CCDC15: variants seen among roughly 807,000 people sequenced by gnomAD.
CCDC15 encodes coiled-coil domain-containing protein 15.
CCDC15 carries 105 observed loss-of-function variants against 114.5 expected under a neutral mutation model. The observed-to-expected ratio is 0.92, with a 90% CI of 0.78 to 1.08. CCDC15 has a LOEUF of 1.08. Among genes scored for constraint, CCDC15 ranks in the 50% least tolerant of loss-of-function variants. The pLI is 0.00. For missense variants in CCDC15, 1,105 were observed against 1,093.6 expected (o/e 1.01, Z -0.15); for synonymous variants, 334 against 377.8 (o/e 0.88, Z 1.34).
intron 13 of CCDC15, among the ~76,000 whole-genome samples, chr11:125,018,936 A>T (rs538920970): frequency 2.4e-4 from 37 of 152,090 alleles, no homozygotes; most frequent in African/African-American, 8.9e-4. Flanking sequence ...CAGGAATTCC[A>T]GGCAAAAGGA....
At chr11:125,031,982 GA>G (rs1749417657) in intron 13 of CCDC15, among the ~76,000 whole-genome samples, 1 of 152,158 alleles carries the variant, frequency 6.6e-6, no homozygotes, top group Non-Finnish European at 1.5e-5. Flanking sequence ...ACCTTAGAAG[GA>G]ATATCTCGAC....
intron 2 of CCDC15, among the ~76,000 whole-genome samples, chr11:124,957,117 T>A (rs190590433): frequency 8.5e-4 from 130 of 152,340 alleles, no homozygotes; most frequent in African/African-American, 3.0e-3. Context: ...CTTAGTGGTA[T>A]AAAGCAAATA....
At chr11:124,968,430 G>A (rs1266398577) in intron 4 of CCDC15, among the ~76,000 whole-genome samples, 2 of 152,216 alleles carry the variant, frequency 1.3e-5, no homozygotes, top group Non-Finnish European at 2.9e-5. Flanking sequence ...CTAGCAGTGA[G>A]CAAGGCTCTG....
At chr11:124,996,028 T>C (rs1247233701) in intron 11 of CCDC15, among the ~76,000 whole-genome samples, 2 of 151,706 alleles carry the variant, frequency 1.3e-5, no homozygotes, top group Non-Finnish European at 2.9e-5. Flanking sequence ...TGGGGTTTCG[T>C]CATGTTTGCC....
At chr11:124,995,315 A>G (rs993762841) in intron 11 of CCDC15, among the ~76,000 whole-genome samples, 3 of 152,064 alleles carry the variant, frequency 2.0e-5, no homozygotes, top group Admixed American at 6.5e-5. Context: ...CTATCCTTGC[A>G]TTCTGTTTGT....
intron 13 of CCDC15, among the ~76,000 whole-genome samples, chr11:125,026,592 G>A (rs1948703957): frequency 6.6e-6 from 1 of 152,158 alleles, no homozygotes; most frequent in Non-Finnish European, 1.5e-5. Flanking sequence ...TTCCTTTGGG[G>A]AGGATGATTG....
At chr11:125,012,811 T>C (rs777019689) in intron 13 of CCDC15, among the ~76,000 whole-genome samples, 1 of 152,190 alleles carries the variant, frequency 6.6e-6, no homozygotes, top group Non-Finnish European at 1.5e-5. Context: ...GAAAACTTAC[T>C]ACATGCCAGG....
Position 124,959,114 on chromosome 11 carries a change from G to T in CCDC15, c.178-1G>T, listed in dbSNP as rs748945549. On this transcript the variant is annotated splice_acceptor_variant, in intron 2 of 15. Coordinates refer to ENST00000344762, the MANE Select transcript of CCDC15 (RefSeq NM_025004.3). LOFTEE classifies it high-confidence loss of function. ...TCATTTTCTGTCTTTCATCTTTAAA[G>T]ACATCAGCATATTTAATTGAAGAAG... 1.9e-6 allele frequency: 3 copies of T among 1,548,388 alleles called. No individual in the cohort carries two copies. The highest frequency in any genetic ancestry group is 2.2e-5 in the Admixed American group (1 of 45,854).
At chr11:125,035,416 T>C (rs1591616042) in intron 13 of CCDC15, among the ~76,000 whole-genome samples, 1 of 151,980 alleles carries the variant, frequency 6.6e-6, no homozygotes, top group East Asian at 1.9e-4. Flanking sequence ...TTTTGGTTTC[T>C]ATTTGCATGG....
chr11:124,974,475 C>T (rs149513990), intron 4 of CCDC15, among the ~76,000 whole-genome samples: 187 of 152,248 alleles, frequency 1.2e-3, no homozygotes, highest in African/African-American at 4.3e-3. Context: ...TTAGGTGTTA[C>T]TTAAAGTAGT....
At chr11:125,014,382 A>C (rs1425478260) in intron 13 of CCDC15, among the ~76,000 whole-genome samples, 2 of 152,150 alleles carry the variant, frequency 1.3e-5, no homozygotes, top group Non-Finnish European at 2.9e-5. Context: ...TTCTAAGTAC[A>C]TACTTAGAAG....
intron 13 of CCDC15, among the ~76,000 whole-genome samples, chr11:125,019,703 T>C (rs1948649771): frequency 6.6e-6 from 1 of 152,008 alleles, no homozygotes; most frequent in South Asian, 2.1e-4. Context: ...CATGTTGTAC[T>C]ATAAAACAGA....
chr11:124,965,605 T>C (rs1235993697), intron 4 of CCDC15, among the ~76,000 whole-genome samples: 1 of 152,228 alleles, frequency 6.6e-6, no homozygotes. Context: ...CCTGGATTCA[T>C]TGATTCTTTG....
At chr11:125,009,377 A>G (rs1948574445) in intron 13 of CCDC15, among the ~76,000 whole-genome samples, 1 of 151,980 alleles carries the variant, frequency 6.6e-6, no homozygotes, top group Non-Finnish European at 1.5e-5. Flanking sequence ...AAGCAATAAC[A>G]CTTTTATTTT....
At chr11:125,029,785 G>T (rs771969219) in intron 13 of CCDC15, among the ~76,000 whole-genome samples, 1 of 152,134 alleles carries the variant, frequency 6.6e-6, no homozygotes, top group Non-Finnish European at 1.5e-5. Flanking sequence ...TTGTAGTCCT[G>T]CCTGGATTGG....
chr11:125,017,757 C>T (rs1948637947), intron 13 of CCDC15, among the ~76,000 whole-genome samples: 1 of 151,922 alleles, frequency 6.6e-6, no homozygotes, highest in South Asian at 2.1e-4. Context: ...GATGTGGTGG[C>T]AGAAGACAAT....
chr11:124,983,188 C>T (rs981981291), intron 6 of CCDC15, among the ~76,000 whole-genome samples: 1 of 152,110 alleles, frequency 6.6e-6, no homozygotes, highest in African/African-American at 2.4e-5. Context: ...GCTTCTGTAT[C>T]GTTTTATTGT....
chr11:125,015,885 C>T (rs1948626319), intron 13 of CCDC15, among the ~76,000 whole-genome samples: 1 of 152,176 alleles, frequency 6.6e-6, no homozygotes, highest in South Asian at 2.1e-4. Context: ...ATACTTGCAG[C>T]TTCTGCTTAA....
At chr11:125,021,337 T>C (rs778586838) in intron 13 of CCDC15, among the ~76,000 whole-genome samples, 14 of 151,868 alleles carry the variant, frequency 9.2e-5, no homozygotes, top group Non-Finnish European at 1.9e-4. Flanking sequence ...AAATGTTCCA[T>C]CAGTGTTTCT....
Sources: allele counts gnomAD v4.1 joint callset (sites outside exome capture counted in the v4.1 genomes callset), GRCh38; gene constraint gnomAD v4.1.1; transcripts MANE v1.5; gene names NCBI Gene and HGNC (gene_info 2026-07-23, HGNC 2026-07-21).